Variants in MEIG1 observed in about 807,000 individuals in gnomAD.
The protein encoded by MEIG1 is meiosis/spermiogenesis associated 1, also known as meiosis expressed gene 1 protein homolog.
MEIG1 carries 12 observed loss-of-function variants against 11.3 expected under a neutral mutation model. That is an observed-to-expected ratio of 1.07 (90% CI 0.68 to 1.73). MEIG1 has a LOEUF of 1.73. Among genes scored for constraint, MEIG1 ranks in the 40% most tolerant of loss-of-function variants. The pLI is 0.00. For missense variants in MEIG1, 119 were observed against 104.9 expected, an observed-to-expected ratio of 1.13 and a Z score of -0.59; for synonymous variants, 41 against 33.2, an observed-to-expected ratio of 1.24 and a Z score of -0.81.
chr10:14,954,731 C>G (rs1589196007), upstream of MEIG1, among the ~76,000 whole-genome samples: 1 of 151,838 alleles, frequency 6.6e-6, no homozygotes, highest in African/African-American at 2.4e-5. Context: ...GAATGATGTA[C>G]TTAAAAAAAG....
upstream of MEIG1, among the ~76,000 whole-genome samples, chr10:14,957,260 C>A (rs1191660473): frequency 1.9e-4 from 29 of 152,134 alleles, no homozygotes; most frequent in Non-Finnish European, 2.9e-5. Context: ...GGTTAAGTAG[C>A]TTGTCCAGGG....
chr10:14,985,281 C>A (rs571082585), intron 1 of MEIG1, among the ~76,000 whole-genome samples: 1 of 151,816 alleles, frequency 6.6e-6, no homozygotes, highest in African/African-American at 2.4e-5. Context: ...TGTGATATGA[C>A]TCGTCATATC....
chr10:14,971,943 T>A (rs1843155852), intron 2 of MEIG1, among the ~76,000 whole-genome samples: 1 of 152,006 alleles, frequency 6.6e-6, no homozygotes, highest in South Asian at 2.1e-4. Context: ...GTAGCAAGAC[T>A]CTGTCTCCAA....
At chr10:14,964,135 T>A (rs552414911) in intron 1 of MEIG1, among the ~76,000 whole-genome samples, 44 of 151,290 alleles carry the variant, frequency 2.9e-4, no homozygotes, top group Admixed American at 2.6e-3. Flanking sequence ...ATAAACACTA[T>A]AATATTTAGA....
At chr10:14,955,821 G>A (rs1278190641), upstream of MEIG1, among the ~76,000 whole-genome samples, 1 of 152,178 alleles carries the variant, frequency 6.6e-6, no homozygotes, top group Non-Finnish European at 1.5e-5. Flanking sequence ...GAGGAGGGGT[G>A]ACATGGAAAG....
intron 1 of MEIG1, among the ~76,000 whole-genome samples, chr10:14,959,944 T>G (rs984961313): frequency 1.3e-5 from 2 of 152,144 alleles, no homozygotes; most frequent in African/African-American, 4.8e-5. Context: ...GAAAGGAAGC[T>G]GGAGGGATGG....
intron 1 of MEIG1, among the ~76,000 whole-genome samples, chr10:14,986,298 C>G (rs1260047341): frequency 6.6e-6 from 1 of 152,124 alleles, no homozygotes; most frequent in Non-Finnish European, 1.5e-5. Flanking sequence ...ACACTTCAGC[C>G]TGGGCAACAA....
intron 2 of MEIG1, among the ~76,000 whole-genome samples, chr10:14,967,933 A>G (rs1157088451): frequency 6.6e-6 from 1 of 152,208 alleles, no homozygotes; most frequent in Admixed American, 6.5e-5. Flanking sequence ...TTTGAAAACA[A>G]TCCATGTATA....
chr10:14,984,056 G>T (rs181654948), intron 1 of MEIG1, among the ~76,000 whole-genome samples: 1 of 152,208 alleles, frequency 6.6e-6, no homozygotes, highest in African/African-American at 2.4e-5. Context: ...ACGGCAAAGA[G>T]TGCAGAGGAT....
At chr10:14,981,520 T>C (rs1202526575) in intron 1 of MEIG1, among the ~76,000 whole-genome samples, 12 of 152,158 alleles carry the variant, frequency 7.9e-5, no homozygotes, top group African/African-American at 1.7e-4. Context: ...AAGAGTCTTT[T>C]TGGATAAGGG....
At chr10:14,986,075 A>G (rs927646258) in intron 1 of MEIG1, among the ~76,000 whole-genome samples, 4 of 152,170 alleles carry the variant, frequency 2.6e-5, no homozygotes, top group African/African-American at 7.2e-5. Flanking sequence ...AGTATATTTT[A>G]TATCCTAGGG....
chr10:14,969,471 AAAAAG>A (rs1416199662), intron 2 of MEIG1, among the ~76,000 whole-genome samples: 1 of 151,676 alleles, frequency 6.6e-6, no homozygotes, highest in East Asian at 1.9e-4. Context: ...GAAAAAAGGA[AAAAAG>A]AAAAGAAAGT....
chr10:14,957,409 A>G (rs1482798819), upstream of MEIG1, among the ~76,000 whole-genome samples: 1 of 152,172 alleles, frequency 6.6e-6, no homozygotes, highest in Non-Finnish European at 1.5e-5. Flanking sequence ...GATGAAATAT[A>G]CTGATTCAAA....
At chr10:14,974,544 G>T (rs1007035372), downstream of MEIG1, among the ~76,000 whole-genome samples, 37 of 152,150 alleles carry the variant, frequency 2.4e-4, no homozygotes, top group African/African-American at 7.7e-4. Context: ...CCCGTTTTGG[G>T]TCGTAAACCA....
chr10:14,983,253 A>G (rs773987959), intron 1 of MEIG1, among the ~76,000 whole-genome samples: 23 of 152,124 alleles, frequency 1.5e-4, no homozygotes, highest in Non-Finnish European at 2.4e-4. Context: ...ACCCGGTGAT[A>G]TTCCTCCTAA....
chr10:14,960,306 C>T (rs1842997607), intron 1 of MEIG1, among the ~76,000 whole-genome samples: 1 of 152,184 alleles, frequency 6.6e-6, no homozygotes, highest in African/African-American at 2.4e-5. Flanking sequence ...AAAGTAAAAG[C>T]GCTTTTCAGA....
intron 2 of MEIG1, among the ~76,000 whole-genome samples, chr10:14,969,199 T>G (rs1441409403): frequency 6.6e-6 from 1 of 152,184 alleles, no homozygotes; most frequent in African/African-American, 2.4e-5. Context: ...CTAAGCCCAG[T>G]GCTTTGGGAG....
chr10:14,976,299 C>T (rs7908504), downstream of MEIG1, among the ~76,000 whole-genome samples: 15 of 151,542 alleles, frequency 9.9e-5, no homozygotes, highest in South Asian at 2.1e-4. Context: ...TATTATTCAT[C>T]GGGGAATATT....
chr10:14,971,922 G>C (rs1341396381), intron 2 of MEIG1, among the ~76,000 whole-genome samples: 1 of 152,074 alleles, frequency 6.6e-6, no homozygotes, highest in Non-Finnish European at 1.5e-5. Context: ...TTCCAGGACA[G>C]CTTGGGCAAT....
Sources: gnomAD v4.1 joint callset for allele counts (sites outside exome capture counted in the v4.1 genomes callset) on GRCh38, gnomAD v4.1.1 for gene constraint, MANE v1.5 for transcripts, NCBI Gene and HGNC (gene_info 2026-07-23, HGNC 2026-07-21) for gene names.